ZNF771: variants seen among roughly 807,000 people sequenced by gnomAD.
ZNF771 encodes zinc finger protein 771.
A neutral mutation model predicts 27.6 loss-of-function variants in ZNF771; 10 were observed. That is an observed-to-expected ratio of 0.36 (90% CI 0.22 to 0.61). The LOEUF is 0.61. Among genes scored for constraint, ZNF771 ranks in the 20% least tolerant of loss-of-function variants. ZNF771 has a pLI of 0.70. For missense variants in ZNF771, 438 were observed against 503.7 expected (o/e 0.87, Z 1.25); for synonymous variants, 261 against 225.2 (o/e 1.16, Z -1.43).
chr16:30,408,455 G>T (rs1446941507), intron 2 of ZNF771, among the ~76,000 whole-genome samples: 2 of 152,138 alleles, frequency 1.3e-5, no homozygotes, highest in Non-Finnish European at 2.9e-5. Flanking sequence ...AGACTGAAGG[G>T]TAACCACACA....
chr16:30,409,554 G>A (rs1005248462), intron 2 of ZNF771, among the ~76,000 whole-genome samples: 1 of 150,970 alleles, frequency 6.6e-6, no homozygotes, highest in East Asian at 1.9e-4. Context: ...TACCAGCAGA[G>A]GGCTTTGGCC....
At position 30,418,118 on chromosome 16, in the gene ZNF771, G is replaced by C; in HGVS notation, c.705G>C (p.Val235=). 3.4e-6 allele frequency: 5 copies of C among 1,479,928 alleles called. No individual in the cohort carries two copies. Among genetic ancestry groups the C allele is most frequent in the Non-Finnish European group, 4.5e-6 (5 of 1,122,300 alleles). The allele number at this position is 1,479,928 out of a possible 1,614,324, so 91.7% of individuals were successfully genotyped here. ...HTGEKPHRCA[V]CGRRFGHRSN... ...GCGAGAAGCCGCACCGCTGCGCTGTGTGTGGCCGTCGCTTCGGCCACCGCT... is the reference window on the plus strand; with the variant it reads ...GCGAGAAGCCGCACCGCTGCGCTGTCTGTGGCCGTCGCTTCGGCCACCGCT... Residue 235 remains valine, a synonymous_variant, in exon 3 of 3, where the codon GTG becomes GTC. Coordinates refer to ENST00000319296, the MANE Select transcript of ZNF771 (RefSeq NM_001142305.2).
chr16:30,418,078 G>A lies in ZNF771; in HGVS notation c.665G>A (p.Arg222Gln). ...CAGAGCTCGGCGCTGGCCAAGCACCGGCGCGTGCACACGGGCGAGAAGCCG... is the reference window on the plus strand; with the variant it reads ...CAGAGCTCGGCGCTGGCCAAGCACCAGCGCGTGCACACGGGCGAGAAGCCG... ...FAQSSALAKH[R>Q]RVHTGEKPHR... Residue 222 changes from arginine (R) to glutamine (Q), a missense_variant, in exon 3 of 3, where the codon CGG becomes CAG. This residue lies in a region of ZNF771 where 305 missense variants were observed against 308.0 expected (regional missense o/e 0.99). Coordinates refer to ENST00000319296, the MANE Select transcript of ZNF771 (RefSeq NM_001142305.2). 2 of 1,474,840 alleles carry A rather than the reference G, an allele frequency of 1.4e-6. No individual in the cohort carries two copies. The highest frequency in any genetic ancestry group is 1.8e-6 in the Non-Finnish European group (2 of 1,120,806). The allele number at this position is 1,474,840 out of a possible 1,614,324, so 91.4% of individuals were successfully genotyped here. A position where few individuals can be genotyped will look rare whatever the true frequency, so the allele number is the denominator to read the frequency against.
chr16:30,416,903 G>A (rs1218242927), intron 2 of ZNF771, among the ~76,000 whole-genome samples: 3 of 146,902 alleles, frequency 2.0e-5, no homozygotes, highest in Non-Finnish European at 3.0e-5. Flanking sequence ...CCTGGGCCAC[G>A]GCAAGACCCT....
intron 2 of ZNF771, among the ~76,000 whole-genome samples, chr16:30,415,401 T>C (rs1405883418): frequency 6.7e-6 from 1 of 149,058 alleles, no homozygotes; most frequent in African/African-American, 2.5e-5. Context: ...TTTTTTTTTT[T>C]TTTGAGACGG....
intron 1 of ZNF771, among the ~76,000 whole-genome samples, 183 bp from the exon 2 acceptor site, chr16:30,407,862 G>A (rs2050083693): frequency 6.6e-6 from 1 of 151,916 alleles, no homozygotes; most frequent in Admixed American, 6.6e-5. Flanking sequence ...CTCGGAGCTG[G>A]TCCCGGGGCT....
In ZNF771 at chr16:30,418,197, G is replaced by C; in HGVS notation, c.784G>C (p.Ala262Pro). The change falls in exon 3 of 3, where the codon GCC becomes CCC. Residue 262 changes from alanine to proline, a missense_variant. Physicochemically the swap from Ala to Pro is conservative, Grantham distance 27 (BLOSUM62 -1). This residue lies in a region of ZNF771 where 305 missense variants were observed against 308.0 expected (regional missense o/e 0.99). Transcript: ENST00000319296. ...CACAGGCGAGCGGCCCTACCCCTGC[G>C]CCGAGTGCGGCCGCCGCTTCCGCCT... Reference protein sequence around the residue: ...THTGERPYPCAECGRRFRLSS... With the variant: ...THTGERPYPCPECGRRFRLSS... The C allele has an allele frequency of 6.6e-7, 1 of 1,504,136 alleles. No homozygotes were observed. The highest frequency in any genetic ancestry group is 1.2e-5 in the South Asian group (1 of 80,316). The allele number at this position is 1,504,136 out of a possible 1,614,324, so 93.2% of individuals were successfully genotyped here. A position where few individuals can be genotyped will look rare whatever the true frequency, so the allele number is the denominator to read the frequency against.
At chr16:30,409,466 C>G (rs2050092868) in intron 2 of ZNF771, among the ~76,000 whole-genome samples, 1 of 152,088 alleles carries the variant, frequency 6.6e-6, no homozygotes, top group Non-Finnish European at 1.5e-5. Flanking sequence ...CCCTGGAGAC[C>G]CTAACTGCCA....
intron 2 of ZNF771, among the ~76,000 whole-genome samples, chr16:30,416,659 C>T (rs1001654743): frequency 6.6e-6 from 1 of 152,134 alleles, no homozygotes; most frequent in Admixed American, 6.6e-5. Context: ...TCTGCTTCTG[C>T]TCTCTCCAAC....
At position 30,417,643 on chromosome 16, in the gene ZNF771, C is replaced by T; in HGVS notation, c.230C>T (p.Thr77Met). Residue 77 changes from threonine to methionine, a missense_variant, in exon 3 of 3, where the codon ACG becomes ATG. Physicochemically the swap from Thr to Met is moderately conservative, Grantham distance 81. Transcript: ENST00000319296. ...GGCCGCGCCTTCGCGCGCCGCTCCA[C>T]GCTGGCGAAGCACGCGCGCACGCAC... ...DCGRAFARRS[T>M]LAKHARTHTG... is the part of the protein sequence containing the mutation. The T allele has an allele frequency of 7.4e-7, 1 of 1,359,956 alleles. No homozygotes were observed. Among genetic ancestry groups the T allele is most frequent in the Non-Finnish European group, 9.4e-7 (1 of 1,058,828 alleles). The allele number at this position is 1,359,956 out of a possible 1,614,324, so 84.2% of individuals were successfully genotyped here.
In ZNF771 at chr16:30,417,591, G is replaced by A; in HGVS notation, c.178G>A (p.Ala60Thr). ...GGCGCCCGCGCCGTCCGCCGACCCG[G>A]CGCGTCCCCACGCGTGCCCCGACTG... is the stretch of plus-strand genomic sequence containing the variant. ...GEAPAPSADP[A>T]RPHACPDCGR... The change falls in exon 3 of 3, where the codon GCG becomes ACG. Residue 60 changes from alanine (A) to threonine (T), a missense_variant. Ala to Thr is a moderately conservative substitution (Grantham distance 58). This residue lies in a region of ZNF771 where 84 missense variants were observed against 89.2 expected (regional missense o/e 0.94). Transcript: ENST00000319296. 2 of 1,238,460 alleles carry A rather than the reference G, an allele frequency of 1.6e-6. No individual in the cohort carries two copies. Among genetic ancestry groups the A allele is most frequent in the Admixed American group, 4.3e-5 (1 of 23,434 alleles). The allele number at this position is 1,238,460 out of a possible 1,614,324, so 76.7% of individuals were successfully genotyped here. A position where few individuals can be genotyped will look rare whatever the true frequency, so the allele number is the denominator to read the frequency against.
chr16:30,416,798 G>T (rs2050136194), intron 2 of ZNF771, among the ~76,000 whole-genome samples: 1 of 151,594 alleles, frequency 6.6e-6, no homozygotes, highest in Admixed American at 6.6e-5. Flanking sequence ...TATAATAAAA[G>T]CCAGAGCCAG....
At position 30,408,141 on chromosome 16, in the gene ZNF771, G is replaced by A. The variant is rs769974499; in HGVS notation, c.88G>A (p.Gly30Ser). 1.3e-5 allele frequency: 21 copies of A among 1,612,520 alleles called. No homozygotes were observed. The highest frequency in any genetic ancestry group is 1.6e-5 in the Non-Finnish European group (19 of 1,178,882). ...GCTGGTGAAGGGTGAGGAGGATGAG[G>A]GTGAGGAGAAGTATGAGGTGGTGAA... is the stretch of plus-strand genomic sequence containing the variant. ...VLLVKGEEDE[G>S]EEKYEVVKLK... Residue 30 changes from glycine to serine, a missense_variant, in exon 2 of 3, where the codon GGT (glycine) becomes AGT (serine). Physicochemically the swap from Gly to Ser is moderately conservative, Grantham distance 56. Around this residue, in one of 3 missense-constraint regions of ZNF771, gnomAD observed 84 missense variants for 89.2 expected, o/e 0.94. Coordinates refer to ENST00000319296, the MANE Select transcript of ZNF771 (RefSeq NM_001142305.2).
At chr16:30,408,403 A>G (rs1245898315) in intron 2 of ZNF771, among the ~76,000 whole-genome samples, 1 of 152,092 alleles carries the variant, frequency 6.6e-6, no homozygotes, top group Non-Finnish European at 1.5e-5. Flanking sequence ...TGGGTGCAGG[A>G]GATTAAACTC....
Position 30,418,311 on chromosome 16 carries a change from C to A in ZNF771, c.898C>A (p.Pro300Thr). ...AGCGRDFKLP[P>T]GATAATATER... ...CTGCGGCAGGGACTTCAAGCTGCCC[C>A]CTGGCGCCACGGCCGCCACTGCCAC... Residue 300 changes from proline to threonine, a missense_variant, in exon 3 of 3, where the codon CCT (proline) becomes ACT (threonine). Transcript: ENST00000319296. The A allele has an allele frequency of 1.3e-6, 2 of 1,489,544 alleles. No homozygotes were observed. Among genetic ancestry groups the A allele is most frequent in the Non-Finnish European group, 1.8e-6 (2 of 1,124,178 alleles). 92.3% of individuals were successfully genotyped at this position (1,489,544 alleles called of 1,614,324 possible).
Position 30,418,415 on chromosome 16 carries a change from A to G in ZNF771, c.*48A>G. 1 of 1,354,920 alleles carries G rather than the reference A, an allele frequency of 7.4e-7. No individual in the cohort carries two copies. Among genetic ancestry groups the G allele is most frequent in the Non-Finnish European group, 9.5e-7 (1 of 1,057,032 alleles). 83.9% of individuals were successfully genotyped at this position (1,354,920 alleles called of 1,614,324 possible). A position where few individuals can be genotyped will look rare whatever the true frequency, so the allele number is the denominator to read the frequency against. ...CGCGCTGGGGCTTCGACCTGGCTGC[A>G]CTAACCCAGGCTCCTCCTCGCCCCG... On this transcript the variant is annotated 3_prime_UTR_variant, in exon 3 of 3. Transcript: ENST00000319296.
chr16:30,418,055 G>A lies in ZNF771; in HGVS notation c.642G>A (p.Gln214=), dbSNP rs1427591533. The part of the protein sequence containing the change: ...ACADCGTRFA[Q]SSALAKHRRV... Reference sequence around the variant, plus strand: ...CCGACTGCGGCACGCGCTTCGCTCAGAGCTCGGCGCTGGCCAAGCACCGGC... The same window carrying A: ...CCGACTGCGGCACGCGCTTCGCTCAAAGCTCGGCGCTGGCCAAGCACCGGC... Residue 214 remains glutamine, a synonymous_variant, in exon 3 of 3, where the codon CAG becomes CAA. Coordinates refer to ENST00000319296, the MANE Select transcript of ZNF771 (RefSeq NM_001142305.2). 1.8e-5 allele frequency: 26 copies of A among 1,467,796 alleles called. No homozygotes were observed. The East Asian group carries it at 6.3e-4, about 36-fold the overall frequency. The allele number at this position is 1,467,796 out of a possible 1,614,324, so 90.9% of individuals were successfully genotyped here.
rs552294334 is a variant in ZNF771, at chr16:30,416,805, C to A, written c.142-750C>A. ...GTCTCCTTTATAATAAAAGCCAGAG[C>A]CAGGCACAGTGGTATGTGCCTGTAA... On this transcript the variant is annotated intron_variant, in intron 2 of 2. Transcript: ENST00000319296. Among the ~76,000 whole-genome samples the A allele has an allele frequency of 1.5e-3, 230 of 151,858 alleles. 1 individual carries two copies. The highest frequency in any genetic ancestry group is 2.1e-3 in the Non-Finnish European group (143 of 67,980).
In ZNF771 at chr16:30,418,340, G is replaced by A; in HGVS notation, c.927G>A (p.Glu309=). ...GCGCCACGGCCGCCACTGCCACCGA[G>A]CGTTGCCCGGAGTGTGAGGGCAGCT... is the stretch of plus-strand genomic sequence containing the variant. The part of the protein sequence containing the change: ...PPGATAATAT[E]RCPECEGS The change falls in exon 3 of 3, where the codon GAG becomes GAA. Residue 309 remains glutamate (E), a synonymous_variant. Transcript: ENST00000319296. 5 of 1,454,046 alleles carry A rather than the reference G, an allele frequency of 3.4e-6. No individual in the cohort carries two copies. The highest frequency in any genetic ancestry group is 4.5e-6 in the Non-Finnish European group (5 of 1,105,614). The allele number at this position is 1,454,046 out of a possible 1,614,324, so 90.1% of individuals were successfully genotyped here.
Sources: allele counts gnomAD v4.1 joint callset (sites outside exome capture counted in the v4.1 genomes callset), GRCh38; gene constraint gnomAD v4.1.1; regional missense constraint gnomAD v4.1.1; transcripts MANE v1.5; gene names NCBI Gene and HGNC (gene_info 2026-07-23, HGNC 2026-07-21).